The following RORB variants were observed in gnomAD, a reference collection of about 807,000 sequenced individuals.
RORB encodes nuclear receptor ROR-beta.
RORB carries 6 observed loss-of-function variants against 59.1 expected under a neutral mutation model. That is an observed-to-expected ratio of 0.10 (90% confidence interval 0.06 to 0.20). The LOEUF (loss-of-function observed/expected upper bound fraction) is 0.20. Ranked by LOEUF, RORB falls within the 10% of genes least tolerant of loss-of-function variation. RORB has a pLI of 1.00. For synonymous variants in RORB, 215 were observed against 204.5 expected, an observed-to-expected ratio of 1.05 and a Z score of -0.44; for missense variants, 320 against 560.5, an observed-to-expected ratio of 0.57 and a Z score of 4.33.
intron 1 of RORB, among the ~76,000 whole-genome samples, chr9:74,538,378 T>A (rs1286863024): frequency 1.3e-5 from 2 of 152,036 alleles, no homozygotes; most frequent in Non-Finnish European, 2.9e-5. Flanking sequence ...AATAAAGAAA[T>A]TTATTTGGTT....
chr9:74,655,907 G>C (rs1350099839), intron 4 of RORB, among the ~76,000 whole-genome samples: 1 of 152,224 alleles, frequency 6.6e-6, no homozygotes, highest in African/African-American at 2.4e-5. Context: ...AGAATAGTGA[G>C]AGAAAGTGGT....
intron 1 of RORB, among the ~76,000 whole-genome samples, chr9:74,549,825 T>C (rs1398059203): frequency 6.6e-6 from 1 of 151,840 alleles, no homozygotes; most frequent in African/African-American, 2.4e-5. Context: ...GCCTCCCGGG[T>C]TCAAGCGATT....
At chr9:74,675,197 G>A (rs1824416509) in intron 9 of RORB, among the ~76,000 whole-genome samples, 1 of 151,856 alleles carries the variant, frequency 6.6e-6, no homozygotes, top group Non-Finnish European at 1.5e-5. Context: ...AGGTAGGAAA[G>A]CATAAGGTAT....
chr9:74,536,861 A>T (rs1033267320), intron 1 of RORB, among the ~76,000 whole-genome samples: 3 of 152,044 alleles, frequency 2.0e-5, no homozygotes, highest in African/African-American at 7.2e-5. Flanking sequence ...AGAGAGAAAG[A>T]GAGAGACTTT....
chr9:74,523,958 A>G (rs1264635591), intron 1 of RORB, among the ~76,000 whole-genome samples: 2 of 150,904 alleles, frequency 1.3e-5, no homozygotes, highest in Non-Finnish European at 3.0e-5. Flanking sequence ...GAAATTTGCA[A>G]CATGAAAATT....
chr9:74,656,164 A>G (rs1824075812), intron 4 of RORB, among the ~76,000 whole-genome samples: 1 of 152,220 alleles, frequency 6.6e-6, no homozygotes, highest in Admixed American at 6.5e-5. Context: ...AGGAAGGAAG[A>G]ATGGATAGAC....
At chr9:74,549,593 GAA>G (rs1826567933) in intron 1 of RORB, among the ~76,000 whole-genome samples, 1 of 70,648 alleles carries the variant, frequency 1.4e-5, no homozygotes, top group African/African-American at 7.6e-5. Context: ...AGGAAGGAAG[GAA>G]GGAAGGAAGG....
chr9:74,497,971 C>T lies in RORB; in HGVS notation c.-6C>T, dbSNP rs771899692. 6.2e-7 allele frequency: 1 copy of T among 1,611,996 alleles called. No homozygotes were observed. Among genetic ancestry groups the T allele is most frequent in the Non-Finnish European group, 8.5e-7 (1 of 1,179,608 alleles). On this transcript the variant is annotated 5_prime_UTR_variant, in exon 1 of 10. Coordinates refer to ENST00000376896, the MANE Select transcript of RORB (RefSeq NM_006914.4). ...TGACTACGCGGAGCGGGAGAGCGGC[C>T]ACACCATGCGAGGTAAGCGAGTCTG...
chr9:74,678,010 C>T (rs1824474553), intron 9 of RORB, among the ~76,000 whole-genome samples: 1 of 152,108 alleles, frequency 6.6e-6, no homozygotes, highest in African/African-American at 2.4e-5. Context: ...TGAAAAGAAA[C>T]ACATGATCAG....
In RORB at chr9:74,497,710, C is replaced by T. The variant is rs905025396; in HGVS notation, c.-267C>T. 2.0e-6 allele frequency: 1 copy of T among 506,632 alleles called. No individual in the cohort carries two copies. Among genetic ancestry groups the T allele is most frequent in the African/African-American group, 1.9e-5 (1 of 52,320 alleles). The allele number at this position is 506,632 out of a possible 1,614,324, so 31.4% of individuals were successfully genotyped here. ...AAACCCAGGCACCAGACAGCCAGAA[C>T]ATTTTTTTTTCACCCTTCCTGAAAA... On this transcript the variant is annotated 5_prime_UTR_variant, in exon 1 of 10. Coordinates refer to ENST00000376896, the MANE Select transcript of RORB (RefSeq NM_006914.4).
intron 1 of RORB, among the ~76,000 whole-genome samples, chr9:74,560,098 T>C (rs1398566173): frequency 6.6e-6 from 1 of 152,178 alleles, no homozygotes; most frequent in Non-Finnish European, 1.5e-5. Context: ...TTGTTTCCTC[T>C]ACGGTTTACC....
chr9:74,569,895 T>C (rs1239439807), intron 1 of RORB, among the ~76,000 whole-genome samples: 1 of 152,078 alleles, frequency 6.6e-6, no homozygotes, highest in East Asian at 1.9e-4. Flanking sequence ...TTGGAAACTC[T>C]TGAAATTTTT....
At chr9:74,541,487 C>G (rs1224154867) in intron 1 of RORB, among the ~76,000 whole-genome samples, 1 of 151,982 alleles carries the variant, frequency 6.6e-6, no homozygotes, top group Admixed American at 6.6e-5. Flanking sequence ...CAGCCCTCCC[C>G]TGTAAACAGC....
At chr9:74,679,835 G>A (rs974781344) in intron 9 of RORB, among the ~76,000 whole-genome samples, 2 of 151,870 alleles carry the variant, frequency 1.3e-5, no homozygotes, top group African/African-American at 4.8e-5. Context: ...AAGACTCTTT[G>A]GCCTGTAATC....
intron 1 of RORB, among the ~76,000 whole-genome samples, chr9:74,563,174 T>A (rs1215416559): frequency 6.6e-6 from 1 of 151,132 alleles, no homozygotes; most frequent in African/African-American, 2.4e-5. Context: ...AGTTGTCATG[T>A]CTCTTCAGTC....
intron 1 of RORB, among the ~76,000 whole-genome samples, chr9:74,593,997 A>G (rs980677541): frequency 6.6e-6 from 1 of 152,246 alleles, no homozygotes; most frequent in Non-Finnish European, 1.5e-5. Flanking sequence ...ATTATGTAAT[A>G]TATTTTAGAA....
intron 9 of RORB, among the ~76,000 whole-genome samples, chr9:74,672,987 A>C (rs982412806): frequency 6.6e-6 from 1 of 152,000 alleles, no homozygotes; most frequent in African/African-American, 2.4e-5. Flanking sequence ...GCTATAAAAA[A>C]CCTCCATGAG....
intron 1 of RORB, among the ~76,000 whole-genome samples, chr9:74,587,743 A>G (rs1822823197): frequency 6.6e-6 from 1 of 152,192 alleles, no homozygotes; most frequent in African/African-American, 2.4e-5. Context: ...CATTCCAAAG[A>G]GCAACAAGTG....
intron 1 of RORB, among the ~76,000 whole-genome samples, chr9:74,628,079 T>C (rs1823550602): frequency 6.6e-6 from 1 of 152,162 alleles, no homozygotes; most frequent in African/African-American, 2.4e-5. Context: ...CTAGAAAGCA[T>C]AAGATCAGAT....
Sources: allele counts gnomAD v4.1 joint callset (sites outside exome capture counted in the v4.1 genomes callset), GRCh38; gene constraint gnomAD v4.1.1; transcripts MANE v1.5; gene names NCBI Gene and HGNC (gene_info 2026-07-23, HGNC 2026-07-21).